The following TNRC6B variants were observed in gnomAD, a reference collection of about 807,000 sequenced individuals.
TNRC6B encodes the protein trinucleotide repeat containing adaptor 6B, also known as trinucleotide repeat-containing gene 6B protein.
In TNRC6B, 52 loss-of-function variants were observed where a neutral mutation model predicts 203.6. The observed-to-expected ratio is 0.26, with a 90% CI of 0.20 to 0.32. TNRC6B has a LOEUF of 0.32. Ranked by LOEUF, TNRC6B falls within the 10% of genes least tolerant of loss-of-function variation. The probability of loss-of-function intolerance (pLI) is 1.00; values close to 1 mark genes in which losing one functional copy is unlikely to be tolerated. For synonymous variants in TNRC6B, 838 were observed against 845.7 expected (o/e 0.99, Z 0.16); for missense variants, 1,923 against 2,286.2 (o/e 0.84, Z 3.24).
intron 2 of TNRC6B, among the ~76,000 whole-genome samples, chr22:40,249,492 C>T (rs2070154226): frequency 6.6e-6 from 1 of 152,182 alleles, no homozygotes; most frequent in Admixed American, 6.5e-5. Context: ...CATTCACATT[C>T]ATTTAGGCTG....
intron 1 of TNRC6B, among the ~76,000 whole-genome samples, chr22:40,058,512 C>T (rs1427326745): frequency 6.6e-6 from 1 of 152,018 alleles, no homozygotes; most frequent in African/African-American, 2.4e-5. Context: ...CGATGCAGCA[C>T]GTTAGCTTTG....
At chr22:40,060,133 A>AT (rs1300618797) in intron 1 of TNRC6B, among the ~76,000 whole-genome samples, 39 of 123,192 alleles carry the variant, frequency 3.2e-4, no homozygotes, top group African/African-American at 8.2e-4. Flanking sequence ...CCCGGCCATC[A>AT]TTTTTTTTTT....
intron 1 of TNRC6B, among the ~76,000 whole-genome samples, chr22:40,210,176 G>A (rs1027659306): frequency 2.6e-5 from 4 of 151,894 alleles, no homozygotes; most frequent in African/African-American, 4.8e-5. Flanking sequence ...TAGAGACCTC[G>A]CTTCCTTCCC....
At position 40,312,964 on chromosome 22, in the gene TNRC6B, G is replaced by A; in HGVS notation, c.4645G>A (p.Asp1549Asn). Residue 1549 changes from aspartate (D) to asparagine (N), a missense_variant, in exon 19 of 23, where the codon GAC (aspartate) becomes AAC (asparagine). Around this residue, in one of 8 missense-constraint regions of TNRC6B, gnomAD observed 159 missense variants for 181.0 expected, o/e 0.88. Coordinates refer to ENST00000454349, the MANE Select transcript of TNRC6B (RefSeq NM_001162501.2). ...TGGTGCCTGGCCCTACAGTGCCTCT[G>A]ACAACTCCTTTACCAACGTTCATAG... ...SPGAWPYSAS[D>N]NSFTNVHSTS... is the part of the protein sequence containing the mutation. The A allele has an allele frequency of 6.2e-7, 1 of 1,613,834 alleles. No homozygotes were observed. The highest frequency in any genetic ancestry group is 1.3e-5 in the African/African-American group (1 of 75,020).
chr22:40,161,679 T>C (rs2068872508), intron 4 of TNRC6B, among the ~76,000 whole-genome samples: 1 of 152,244 alleles, frequency 6.6e-6, no homozygotes, highest in East Asian at 1.9e-4. Context: ...TGCTGAATTC[T>C]GGTATTTGTA....
intron 1 of TNRC6B, among the ~76,000 whole-genome samples, chr22:40,195,941 TTTTG>T (rs1377935337): frequency 6.6e-6 from 1 of 152,030 alleles, no homozygotes; most frequent in Non-Finnish European, 1.5e-5. Flanking sequence ...AGCTAATTTT[TTTTG>T]TTTGTTTGTA....
At chr22:40,062,503 CT>C (rs1378220150) in intron 1 of TNRC6B, among the ~76,000 whole-genome samples, 2 of 152,194 alleles carry the variant, frequency 1.3e-5, no homozygotes, top group African/African-American at 2.4e-5. Context: ...GCCACTGCCC[CT>C]GGCCATATAT....
Position 40,312,549 on chromosome 22 carries a change from C to T in TNRC6B, c.4480C>T (p.Pro1494Ser). ...ATGGAAAGGTATCCAAAACATTGAC[C>T]CTGAATCTGACCCCTATGTCACCCC... ...VPWKGIQNIDPESDPYVTPGS... is the reference protein window; with the variant it reads ...VPWKGIQNIDSESDPYVTPGS... Residue 1494 changes from proline (P) to serine (S), a missense_variant, in exon 18 of 23, where the codon CCT becomes TCT. Around this residue, in one of 8 missense-constraint regions of TNRC6B, gnomAD observed 242 missense variants for 399.5 expected, o/e 0.61. Coordinates refer to ENST00000454349, the MANE Select transcript of TNRC6B (RefSeq NM_001162501.2). 6.2e-7 allele frequency: 1 copy of T among 1,613,898 alleles called. No homozygotes were observed. The highest frequency in any genetic ancestry group is 8.5e-7 in the Non-Finnish European group (1 of 1,179,954).
At chr22:40,236,506 C>T (rs4821936) in intron 1 of TNRC6B, among the ~76,000 whole-genome samples, 1 of 152,102 alleles carries the variant, frequency 6.6e-6, no homozygotes, top group Non-Finnish European at 1.5e-5. Flanking sequence ...TTGGGTGGCT[C>T]TCTTCCTGTT....
At chr22:40,258,516 C>G (rs2070320386) in intron 3 of TNRC6B, among the ~76,000 whole-genome samples, 1 of 152,154 alleles carries the variant, frequency 6.6e-6, no homozygotes, top group South Asian at 2.1e-4. Context: ...AGTAAGAATT[C>G]ATTCAGGTGC....
intron 1 of TNRC6B, among the ~76,000 whole-genome samples, chr22:40,186,390 G>A (rs1453543348): frequency 6.6e-6 from 1 of 152,080 alleles, no homozygotes; most frequent in Admixed American, 6.6e-5. Flanking sequence ...GCACCGCCCA[G>A]TAGGAACAGA....
At chr22:40,047,430 C>T (rs1169203653) in intron 1 of TNRC6B, among the ~76,000 whole-genome samples, 2 of 140,956 alleles carry the variant, frequency 1.4e-5, no homozygotes, top group Non-Finnish European at 1.5e-5. Context: ...GGTGAAACCC[C>T]GTCTCTACTA....
At position 40,265,486 on chromosome 22, in the gene TNRC6B, C is replaced by G. The variant is rs767085353; in HGVS notation, c.1256C>G (p.Thr419Ser). ...TCACAAAGCACTGGAGATCGAAAGA[C>G]TGGGAGTGTTGGATCTTGGGGTGCA... ...APSQSTGDRKTGSVGSWGAAR... is the reference protein window; with the variant it reads ...APSQSTGDRKSGSVGSWGAAR... Residue 419 changes from threonine to serine, a missense_variant, in exon 5 of 23, where the codon ACT (threonine) becomes AGT (serine). By Grantham distance (58) the Thr-to-Ser change is moderately conservative (BLOSUM62 1). This residue lies in a region of TNRC6B where 614 missense variants were observed against 587.7 expected (regional missense o/e 1.04). Coordinates refer to ENST00000454349, the MANE Select transcript of TNRC6B (RefSeq NM_001162501.2). 6.2e-7 allele frequency: 1 copy of G among 1,613,798 alleles called. No homozygotes were observed. Among genetic ancestry groups the G allele is most frequent in the African/African-American group, 1.3e-5 (1 of 74,882 alleles).
chr22:40,104,875 A>G (rs1467463361), intron 1 of TNRC6B, among the ~76,000 whole-genome samples: 1 of 152,220 alleles, frequency 6.6e-6, no homozygotes, highest in African/African-American at 2.4e-5. Flanking sequence ...TACTTTGACC[A>G]ATCGCACACT....
intron 1 of TNRC6B, among the ~76,000 whole-genome samples, chr22:40,090,165 CA>C (rs1375276077): frequency 2.6e-5 from 4 of 152,154 alleles, no homozygotes; most frequent in Non-Finnish European, 5.9e-5. Context: ...TTTGTGTGAA[CA>C]TAAGTTTTCA....
chr22:40,233,253 C>T (rs780438575), intron 1 of TNRC6B, among the ~76,000 whole-genome samples: 6 of 151,914 alleles, frequency 3.9e-5, no homozygotes, highest in South Asian at 4.2e-4. Context: ...ACCCTGGGGC[C>T]GGAGGTTGCA....
At chr22:40,172,025 A>ATT (rs34287108) in intron 4 of TNRC6B, among the ~76,000 whole-genome samples, 58 of 150,976 alleles carry the variant, frequency 3.8e-4, no homozygotes, top group Admixed American at 2.0e-3. Flanking sequence ...TGCCCAGCTA[A>ATT]TTTTTTTTTA....
In TNRC6B at chr22:40,178,158, A is replaced by AT. The variant is rs779088113; in HGVS notation, c.5+26dup. On this transcript the variant is annotated intron_variant, in intron 1 of 22. Coordinates refer to ENST00000454349, the MANE Select transcript of TNRC6B (RefSeq NM_001162501.2). Reference sequence around the variant, plus strand: ...TTTATGAGGTTGGTAAATATTTTCAATTTTTTTTAACCAATTGATTTATAT... The same window carrying AT: ...TTTATGAGGTTGGTAAATATTTTCAATTTTTTTTTAACCAATTGATTTATAT... 8 of 1,611,660 alleles carry AT rather than the reference A, an allele frequency of 5.0e-6. No homozygotes were observed. The highest frequency in any genetic ancestry group is 1.7e-5 in the Admixed American group (1 of 59,866).
intron 3 of TNRC6B, among the ~76,000 whole-genome samples, chr22:40,256,341 A>G (rs949965569): frequency 2.6e-5 from 4 of 152,086 alleles, no homozygotes; most frequent in African/African-American, 9.7e-5. Context: ...TGTCACATTG[A>G]TTTTGTTTTG....
Sources: allele counts gnomAD v4.1 joint callset (sites outside exome capture counted in the v4.1 genomes callset), GRCh38; gene constraint gnomAD v4.1.1; regional missense constraint gnomAD v4.1.1; transcripts MANE v1.5; gene names NCBI Gene and HGNC (gene_info 2026-07-23, HGNC 2026-07-21).